Variants in OSGEPL1 observed in about 807,000 individuals in gnomAD.
OSGEPL1 encodes tRNA N6-adenosine threonylcarbamoyltransferase, mitochondrial.
In OSGEPL1, 26 loss-of-function variants were observed where a neutral mutation model predicts 37.2. The observed-to-expected ratio is 0.70, with a 90% CI of 0.51 to 0.97. The LOEUF is 0.97. Among genes scored for constraint, OSGEPL1 ranks in the 50% least tolerant of loss-of-function variants. The pLI is 0.00. For missense variants in OSGEPL1, 404 were observed against 487.0 expected, an observed-to-expected ratio of 0.83 and a Z score of 1.60; for synonymous variants, 140 against 159.9, an observed-to-expected ratio of 0.88 and a Z score of 0.94.
At chr2:189,757,397 T>A (rs1014356714) in intron 2 of OSGEPL1, among the ~76,000 whole-genome samples, 4 of 152,248 alleles carry the variant, frequency 2.6e-5, no homozygotes, top group Non-Finnish European at 5.9e-5. Context: ...TGTTTCACAA[T>A]GATCTGCTTA....
At chr2:189,760,072 G>A (rs1323217947) in intron 2 of OSGEPL1, among the ~76,000 whole-genome samples, 2 of 152,222 alleles carry the variant, frequency 1.3e-5, no homozygotes, top group Middle Eastern at 3.4e-3. Context: ...CACGGGGTTG[G>A]GGGTAAGGTT....
At position 189,753,818 on chromosome 2, in the gene OSGEPL1, A is replaced by C; in HGVS notation, c.963+98T>G. On this transcript the variant is annotated intron_variant, in intron 5 of 8. Transcript: ENST00000264151. ...CATACTGTCAGGGCTAGCATAAGGC[A>C]TAAAGATCTGTTCATCCTAAACACA... 2.3e-6 allele frequency: 3 copies of C among 1,289,600 alleles called. No homozygotes were observed. The South Asian group carries it at 4.2e-5, about 18-fold the overall frequency. 79.9% of individuals were successfully genotyped at this position (1,289,600 alleles called of 1,614,324 possible). A position where few individuals can be genotyped will look rare whatever the true frequency, so the allele number is the denominator to read the frequency against.
chr2:189,750,518 CAATA>C, intron 8 of OSGEPL1, 28 bp downstream of exon 8: 2 of 845,422 alleles, frequency 2.4e-6, no homozygotes, highest in Non-Finnish European at 3.8e-6. Context: ...ATACACAAAA[CAATA>C]AAAACTTAAT....
intron 8 of OSGEPL1, 71 bp from the exon 9 acceptor site, chr2:189,747,239 T>A (rs2044264298): frequency 6.8e-6 from 1 of 146,880 alleles, no homozygotes; most frequent in South Asian, 2.1e-4. Flanking sequence ...TTCAAGAGGC[T>A]AAGGCAGGAG....
chr2:189,759,012 T>C (rs771468567), intron 2 of OSGEPL1, among the ~76,000 whole-genome samples: 27 of 152,214 alleles, frequency 1.8e-4, no homozygotes, highest in Non-Finnish European at 2.8e-4. Context: ...TCTGCACCAC[T>C]TGTTTTTCCT....
At chr2:189,749,245 A>AT (rs2044693655) in intron 8 of OSGEPL1, among the ~76,000 whole-genome samples, 1 of 19,188 alleles carries the variant, frequency 5.2e-5, no homozygotes, top group South Asian at 5.6e-3. Context: ...GACTCTGTCT[A>AT]AAAAAAAAAA....
At chr2:189,757,068 T>A (rs936339177) in intron 2 of OSGEPL1, among the ~76,000 whole-genome samples, 1 of 152,216 alleles carries the variant, frequency 6.6e-6, no homozygotes, top group African/African-American at 2.4e-5. Flanking sequence ...GAATTAATAA[T>A]AACAATGTAT....
chr2:189,748,638 A>G (rs2044561124), intron 8 of OSGEPL1, among the ~76,000 whole-genome samples: 1 of 152,196 alleles, frequency 6.6e-6, no homozygotes, highest in Non-Finnish European at 1.5e-5. Context: ...ATGCGGAGGG[A>G]AATGGTCTAT....
chr2:189,762,941 A>C, upstream of OSGEPL1: 1 of 985,362 alleles, frequency 1.0e-6, no homozygotes, highest in Non-Finnish European at 1.2e-6. Flanking sequence ...AGGTGATGAG[A>C]GTTCTGTAAA....
chr2:189,749,200 C>T (rs1303003874), intron 8 of OSGEPL1, among the ~76,000 whole-genome samples: 2 of 130,762 alleles, frequency 1.5e-5, no homozygotes, highest in Non-Finnish European at 3.1e-5. Flanking sequence ...GAGCCGAGAT[C>T]GAGCCATTGC....
In OSGEPL1 at chr2:189,752,869, A is replaced by G; in HGVS notation, c.1074T>C (p.Asp358=). 6.2e-7 allele frequency: 1 copy of G among 1,613,900 alleles called. No homozygotes were observed. The highest frequency in any genetic ancestry group is 8.5e-7 in the Non-Finnish European group (1 of 1,179,832). Reference sequence around the variant, plus strand: ...CTTACCATGCAATCATAATGCCATTATCAGTGCATAGTCTGGGAGGAGGAC... The same window carrying G: ...CTTACCATGCAATCATAATGCCATTGTCAGTGCATAGTCTGGGAGGAGGAC... ...LLCPPPRLCT[D]NGIMIAWNGI... is the part of the protein sequence containing the mutation. The change falls in exon 6 of 9, where the codon GAT becomes GAC. Residue 358 remains aspartate (D), a synonymous_variant. Transcript: ENST00000264151.
rs761494645 is a variant in OSGEPL1 at position 189,755,176 on chromosome 2, G to A, written c.606C>T (p.Asp202=). The A allele has an allele frequency of 1.2e-6, 2 of 1,600,742 alleles. No homozygotes were observed. The highest frequency in any genetic ancestry group is 1.7e-6 in the Non-Finnish European group (2 of 1,176,922). ...SLDIAPGDML[D]KVARRLSLIK... Reference sequence around the variant, plus strand: ...GGAGAAATTAATTCTTAATTACCTTGTCAAGCATGTCACCTGGTGCTATGT... The same window carrying A: ...GGAGAAATTAATTCTTAATTACCTTATCAAGCATGTCACCTGGTGCTATGT... The change falls in exon 3 of 9, where the codon GAC becomes GAT. Residue 202 remains aspartate, a synonymous_variant. Coordinates refer to ENST00000264151, the MANE Select transcript of OSGEPL1 (RefSeq NM_022353.3).
At chr2:189,761,761 G>C (rs2047092964) in intron 1 of OSGEPL1, 101 bp from the exon 2 acceptor site, 1 of 1,249,964 alleles carries the variant, frequency 8.0e-7, no homozygotes, top group Non-Finnish European at 1.1e-6. Context: ...GTTTGTAAAA[G>C]TCACCAAAAG....
At position 189,752,868 on chromosome 2, in the gene OSGEPL1, T is replaced by C; in HGVS notation, c.1075A>G (p.Asn359Asp). The change falls in exon 6 of 9, where the codon AAT becomes GAT. Residue 359 changes from asparagine to aspartate, a missense_variant. Coordinates refer to ENST00000264151, the MANE Select transcript of OSGEPL1 (RefSeq NM_022353.3). ...GCTTACCATGCAATCATAATGCCAT[T>C]ATCAGTGCATAGTCTGGGAGGAGGA... ...LCPPPRLCTD[N>D]GIMIAWNGIE... is the part of the protein sequence containing the mutation. The C allele has an allele frequency of 1.2e-6, 2 of 1,613,846 alleles. No homozygotes were observed. The highest frequency in any genetic ancestry group is 1.7e-6 in the Non-Finnish European group (2 of 1,179,822).
intron 2 of OSGEPL1, 199 bp downstream of exon 2, chr2:189,761,221 T>G: frequency 4.9e-6 from 2 of 405,180 alleles, no homozygotes; most frequent in Non-Finnish European, 4.3e-6. Flanking sequence ...GGCAACAGGA[T>G]TAGTTAAGGT....
At chr2:189,756,192 G>A (rs1256113096) in intron 2 of OSGEPL1, among the ~76,000 whole-genome samples, 1 of 152,188 alleles carries the variant, frequency 6.6e-6, no homozygotes, top group Non-Finnish European at 1.5e-5. Context: ...CAGGATAGCA[G>A]ATAGCTTGCA....
At chr2:189,760,306 G>A (rs1193674002) in intron 2 of OSGEPL1, among the ~76,000 whole-genome samples, 1 of 152,146 alleles carries the variant, frequency 6.6e-6, no homozygotes, top group Non-Finnish European at 1.5e-5. Flanking sequence ...CCGGGCAGAG[G>A]GGCTCCTCAC....
chr2:189,747,325 T>TGAGA (rs1281297431), intron 8 of OSGEPL1, 157 bp from the exon 9 acceptor site: 5 of 91,466 alleles, frequency 5.5e-5, no homozygotes, highest in African/African-American at 2.3e-4. Context: ...GGTCAGAGAG[T>TGAGA]GAGACCCTGT....
intron 2 of OSGEPL1, among the ~76,000 whole-genome samples, 182 bp from the exon 3 acceptor site, chr2:189,755,742 G>A (rs1574884841): frequency 1.3e-5 from 2 of 152,150 alleles, no homozygotes; most frequent in East Asian, 1.9e-4. Context: ...AGTAATTAAG[G>A]GGATAATGTT....
Sources: allele counts gnomAD v4.1 joint callset (sites outside exome capture counted in the v4.1 genomes callset), GRCh38; gene constraint gnomAD v4.1.1; transcripts MANE v1.5; gene names NCBI Gene and HGNC (gene_info 2026-07-23, HGNC 2026-07-21).